The following MAPKAPK3 variants were observed in gnomAD, a reference collection of about 807,000 sequenced individuals.
MAPKAPK3 encodes the protein MAP kinase-activated protein kinase 3.
Under a neutral mutation model 49.2 loss-of-function variants are expected in MAPKAPK3, and 35 were observed. That is an observed-to-expected ratio of 0.71 (90% confidence interval 0.54 to 0.94). MAPKAPK3 has a LOEUF of 0.94. MAPKAPK3 is among the 40% of genes least tolerant of loss of function. The pLI is 0.00. For missense variants in MAPKAPK3, 398 were observed against 493.1 expected (o/e 0.81, Z 1.83); for synonymous variants, 178 against 188.7 (o/e 0.94, Z 0.46).
At chr3:50,637,454 G>A (rs1174305307) in intron 2 of MAPKAPK3, among the ~76,000 whole-genome samples, 1 of 151,960 alleles carries the variant, frequency 6.6e-6, no homozygotes, top group Non-Finnish European at 1.5e-5. Flanking sequence ...GGCTAACACG[G>A]TGAAACCCCA....
rs192712396 is a variant in MAPKAPK3 at position 50,647,840 on chromosome 3, C to T, written c.997-54C>T. 3.2e-6 allele frequency: 5 copies of T among 1,543,272 alleles called. No individual in the cohort carries two copies. In the Admixed American group the frequency reaches 5.9e-5, roughly 18 times the overall value. ...CTGCCCAGGCAGGGGGGTGATGGTTCCTAAGGTCAGTACATCCTGACCTCT... is the reference window on the plus strand; with the variant it reads ...CTGCCCAGGCAGGGGGGTGATGGTTTCTAAGGTCAGTACATCCTGACCTCT... On this transcript the variant is annotated intron_variant, in intron 10 of 10. Coordinates refer to ENST00000621469, the MANE Select transcript of MAPKAPK3 (RefSeq NM_001243925.2).
At chr3:50,611,865 C>T, upstream of MAPKAPK3, 1 of 574,146 alleles carries the variant, frequency 1.7e-6, no homozygotes, top group Non-Finnish European at 2.8e-6. Flanking sequence ...CTTTGTCTGC[C>T]GCGTTCCAGC....
intron 7 of MAPKAPK3, 52 bp from the exon 8 acceptor site, chr3:50,646,088 C>T (rs1390152649): frequency 6.3e-7 from 1 of 1,584,210 alleles, no homozygotes; most frequent in African/African-American, 1.4e-5. Flanking sequence ...GGAAATGGGT[C>T]CACCCTGGCA....
chr3:50,641,429 A>C (rs577861756), intron 3 of MAPKAPK3, among the ~76,000 whole-genome samples: 7 of 152,190 alleles, frequency 4.6e-5, no homozygotes, highest in Non-Finnish European at 1.0e-4. Context: ...AAGCCCTCAC[A>C]GTCAGGTAGG....
exon 1 of MAPKAPK3, chr3:50,611,939 C>G (rs6768300): frequency 0.88 from 374,360 of 427,370 alleles, 164,583 homozygotes; most frequent in East Asian, 0.94. Flanking sequence ...GCGGGGTGCG[C>G]GGGCCCCGTC....
intron 2 of MAPKAPK3, among the ~76,000 whole-genome samples, chr3:50,626,074 C>T (rs999281026): frequency 2.4e-5 from 1 of 40,992 alleles, no homozygotes; most frequent in African/African-American, 5.8e-5. Flanking sequence ...GAGGAGGTCC[C>T]CCGCCACCCC....
intron 2 of MAPKAPK3, among the ~76,000 whole-genome samples, chr3:50,638,555 A>G (rs966156157): frequency 1.3e-5 from 2 of 152,198 alleles, no homozygotes; most frequent in Non-Finnish European, 2.9e-5. Flanking sequence ...GAGCAGGGGC[A>G]CAGAGCTGCT....
chr3:50,632,822 G>A (rs557481210), intron 2 of MAPKAPK3, among the ~76,000 whole-genome samples: 3 of 152,314 alleles, frequency 2.0e-5, no homozygotes, highest in South Asian at 2.1e-4. Context: ...TAGCCTCGGC[G>A]CTTCCTGTAT....
chr3:50,622,112 C>T (rs954942053), intron 2 of MAPKAPK3, among the ~76,000 whole-genome samples: 50 of 152,214 alleles, frequency 3.3e-4, no homozygotes, highest in African/African-American at 1.2e-3. Flanking sequence ...TGCCAGTTGG[C>T]TTCCGTGAGC....
At chr3:50,617,887 G>A in intron 2 of MAPKAPK3, 103 bp downstream of exon 2, 1 of 868,456 alleles carries the variant, frequency 1.2e-6, no homozygotes, top group Non-Finnish European at 1.9e-6. Context: ...CCTATGCTCA[G>A]CAACATGTTT....
At chr3:50,613,544 TG>T (rs1317015571), upstream of MAPKAPK3, among the ~76,000 whole-genome samples, 3 of 152,200 alleles carry the variant, frequency 2.0e-5, no homozygotes, top group Admixed American at 1.3e-4. Flanking sequence ...ACCACTGACT[TG>T]CCAGTAGGAA....
rs772963440 is a variant in MAPKAPK3 at position 50,644,373 on chromosome 3, C to G, written c.505-36C>G. ...TTGGGGCTCTGCTCCTGCCTGGTTC[C>G]TAACTCCAAACCAATGTTTTCTCTT... On this transcript the variant is annotated intron_variant, in intron 5 of 10. Coordinates refer to ENST00000621469, the MANE Select transcript of MAPKAPK3 (RefSeq NM_001243925.2). 4 of 1,612,210 alleles carry G rather than the reference C, an allele frequency of 2.5e-6. No homozygotes were observed. In the South Asian group the frequency reaches 3.3e-5, roughly 13 times the overall value.
intron 2 of MAPKAPK3, among the ~76,000 whole-genome samples, chr3:50,625,944 A>G (rs1370289470): frequency 1.3e-5 from 2 of 151,926 alleles, no homozygotes; most frequent in Admixed American, 1.3e-4. Context: ...AGGAAGGAGG[A>G]GTGAGTGCTG....
chr3:50,611,579 C>T (rs887830114), upstream of MAPKAPK3: 3 of 1,524,720 alleles, frequency 2.0e-6, no homozygotes, highest in African/African-American at 1.4e-5. Context: ...AGCCCCTGTT[C>T]TCCCGTGCGC....
At chr3:50,637,484 A>G (rs951737380) in intron 2 of MAPKAPK3, among the ~76,000 whole-genome samples, 6 of 151,832 alleles carry the variant, frequency 4.0e-5, no homozygotes, top group African/African-American at 7.3e-5. Context: ...AAAATGCAAA[A>G]AATAGCTGGG....
chr3:50,627,425 CAG>C (rs2032786446), intron 2 of MAPKAPK3, among the ~76,000 whole-genome samples: 1 of 152,124 alleles, frequency 6.6e-6, no homozygotes, highest in Non-Finnish European at 1.5e-5. Flanking sequence ...ATGGTGTTGT[CAG>C]GGGAACATTT....
chr3:50,646,887 G>T (rs2033312708), intron 9 of MAPKAPK3, 62 bp downstream of exon 9: 1 of 1,541,568 alleles, frequency 6.5e-7, no homozygotes. Flanking sequence ...TGCCGGGCAG[G>T]AGGGTGGTGG....
At chr3:50,614,170 G>C (rs563421792), upstream of MAPKAPK3, 1 of 152,280 alleles carries the variant, frequency 6.6e-6, no homozygotes, top group East Asian at 1.9e-4. Context: ...CAAGTACTAA[G>C]TTGGGTCCCT....
chr3:50,626,112 G>T (rs969771947), intron 2 of MAPKAPK3, among the ~76,000 whole-genome samples: 2 of 150,846 alleles, frequency 1.3e-5, no homozygotes, highest in African/African-American at 4.9e-5. Flanking sequence ...GTCAACTTCA[G>T]CTGCAGTCTC....
Sources: allele counts gnomAD v4.1 joint callset (sites outside exome capture counted in the v4.1 genomes callset), GRCh38; gene constraint gnomAD v4.1.1; transcripts MANE v1.5; gene names NCBI Gene and HGNC (gene_info 2026-07-23, HGNC 2026-07-21).